Variants in ZNF395 observed in about 807,000 individuals in gnomAD.
ZNF395 encodes zinc finger protein 395.
In ZNF395, 20 loss-of-function variants were observed where a neutral mutation model predicts 57.7. That is an observed-to-expected ratio of 0.35 (90% CI 0.24 to 0.50). The LOEUF is 0.50. ZNF395 is among the 20% of genes least tolerant of loss of function. ZNF395 has a pLI of 0.97. For missense variants in ZNF395, 606 were observed against 671.2 expected (o/e 0.90, Z 1.07); for synonymous variants, 295 against 275.9 (o/e 1.07, Z -0.69).
At chr8:28,349,849 C>T (rs948060662) in intron 8 of ZNF395, among the ~76,000 whole-genome samples, 5 of 152,270 alleles carry the variant, frequency 3.3e-5, no homozygotes, top group Admixed American at 3.3e-4. Context: ...TCTACAAGCG[C>T]CTCCTTCCAC....
intron 1 of ZNF395, among the ~76,000 whole-genome samples, chr8:28,382,999 C>A (rs868406460): frequency 1.1e-4 from 17 of 152,140 alleles, no homozygotes; most frequent in African/African-American, 4.1e-4. Context: ...AATTTCATTT[C>A]TTAATGTAAG....
chr8:28,348,582 T>TA lies in ZNF395; in HGVS notation c.*136dup. The TA allele has an allele frequency of 1.4e-6, 1 of 727,128 alleles. No homozygotes were observed. Among genetic ancestry groups the TA allele is most frequent in the Non-Finnish European group, 2.4e-6 (1 of 413,636 alleles). 45.0% of individuals were successfully genotyped at this position (727,128 alleles called of 1,614,324 possible). On this transcript the variant is annotated 3_prime_UTR_variant, in exon 10 of 10. Transcript: ENST00000344423. ...AATGGGAGAAAATTGCTTTAAGTGT[T>TA]ACACCTTAGCCAACAGAGCCCAAAC... is the stretch of plus-strand genomic sequence containing the variant.
chr8:28,353,121 A>G, intron 5 of ZNF395, 52 bp downstream of exon 5: 1 of 1,579,258 alleles, frequency 6.3e-7, no homozygotes, highest in Non-Finnish European at 8.7e-7. Flanking sequence ...CTGTCCCCAC[A>G]CAGACATCAT....
In ZNF395 at chr8:28,353,387, G is replaced by T. The variant is rs1014419156; in HGVS notation, c.605C>A (p.Pro202Gln). 26 of 1,564,320 alleles carry T rather than the reference G, an allele frequency of 1.7e-5. No individual in the cohort carries two copies. Among genetic ancestry groups the T allele is most frequent in the Non-Finnish European group, 2.0e-5 (23 of 1,153,862 alleles). Residue 202 changes from proline (P) to glutamine (Q), a missense_variant, in exon 5 of 10, where the codon CCA (proline) becomes CAA (glutamine). Transcript: ENST00000344423. The stretch of plus-strand genomic sequence containing the variant: ...CGAGATGTCACCACTCTCCTTCCAT[G>T]GGTCGCAGGCCGCACGGGAAGCTGG... ...NFSASRAACD[P>Q]WKESGDISDS... is the part of the protein sequence containing the mutation.
At chr8:28,378,952 G>A (rs951805170) in intron 1 of ZNF395, among the ~76,000 whole-genome samples, 1 of 152,154 alleles carries the variant, frequency 6.6e-6, no homozygotes, top group Admixed American at 6.5e-5. Context: ...GGTCAAAGGG[G>A]ACCTCAAAGT....
chr8:28,349,978 G>A (rs374087768), intron 8 of ZNF395, 86 bp downstream of exon 8: 69 of 1,280,428 alleles, frequency 5.4e-5, no homozygotes, highest in African/African-American at 6.1e-5. Context: ...CACGTGCCCC[G>A]TGCCCAAGGG....
chr8:28,385,401 C>CA (rs1241515880), intron 1 of ZNF395: 1 of 115,228 alleles, frequency 8.7e-6, no homozygotes, highest in African/African-American at 4.1e-5. Flanking sequence ...TGTGCAGCCC[C>CA]GCCCCCCCCC....
At chr8:28,386,333 C>CCCGCGCCT (rs951211989) in intron 1 of ZNF395, 60 bp downstream of exon 1, 5 of 148,474 alleles carry the variant, frequency 3.4e-5, no homozygotes, top group African/African-American at 1.2e-4. Flanking sequence ...CCGCCCGCCC[C>CCCGCGCCT]CCGCGCCTCC....
chr8:28,384,324 T>C (rs751611087), intron 1 of ZNF395, among the ~76,000 whole-genome samples: 10 of 152,220 alleles, frequency 6.6e-5, no homozygotes, highest in Non-Finnish European at 8.8e-5. Flanking sequence ...TTCCCTGGTA[T>C]GGCTAAGGAC....
chr8:28,362,058 C>T (rs1801856424), intron 1 of ZNF395, among the ~76,000 whole-genome samples: 1 of 150,124 alleles, frequency 6.7e-6, no homozygotes, highest in Non-Finnish European at 1.5e-5. Context: ...CACCACTGCA[C>T]TCCAGCCTGG....
chr8:28,347,775 A>G lies in ZNF395; in HGVS notation c.*944T>C, dbSNP rs1000261658. ...CTCCCGGCCACCCAAATAAAAGAAA[A>G]CTTTAATCAGTAAAGGCTTCTGAAT... On this transcript the variant is annotated 3_prime_UTR_variant, in exon 10 of 10. Coordinates refer to ENST00000344423, the MANE Select transcript of ZNF395 (RefSeq NM_018660.3). The G allele has an allele frequency of 6.6e-6, 1 of 152,142 alleles. No homozygotes were observed. Among genetic ancestry groups the G allele is most frequent in the African/African-American group, 2.4e-5 (1 of 41,400 alleles). 9.4% of individuals were successfully genotyped at this position (152,142 alleles called of 1,614,324 possible). A position where few individuals can be genotyped will look rare whatever the true frequency, so the allele number is the denominator to read the frequency against.
At chr8:28,376,582 C>G (rs1802042855) in intron 1 of ZNF395, among the ~76,000 whole-genome samples, 2 of 152,078 alleles carry the variant, frequency 1.3e-5, no homozygotes, top group South Asian at 4.1e-4. Flanking sequence ...GATCGCACCA[C>G]TGTACTCCAG....
rs1801635467 is a variant in ZNF395 at position 28,348,477 on chromosome 8, C to T, written c.*242G>A. 2 of 470,484 alleles carry T rather than the reference C, an allele frequency of 4.3e-6. No individual in the cohort carries two copies. The highest frequency in any genetic ancestry group is 3.4e-5 in the Admixed American group (1 of 29,678). 29.1% of individuals were successfully genotyped at this position (470,484 alleles called of 1,614,324 possible). ...GGTCACTGGTTCACTGCTGAATAGCCTTGGTCAGTTTTGGCTCTCTCCTAT... is the reference window on the plus strand; with the variant it reads ...GGTCACTGGTTCACTGCTGAATAGCTTTGGTCAGTTTTGGCTCTCTCCTAT... On this transcript the variant is annotated 3_prime_UTR_variant, in exon 10 of 10. Transcript: ENST00000344423.
At chr8:28,376,474 GC>G (rs968737895) in intron 1 of ZNF395, among the ~76,000 whole-genome samples, 1 of 152,064 alleles carries the variant, frequency 6.6e-6, no homozygotes. Flanking sequence ...TCAAAAATTA[GC>G]TGGGCATGGT....
intron 1 of ZNF395, among the ~76,000 whole-genome samples, chr8:28,364,034 AGAAG>A (rs1224447207): frequency 5.3e-5 from 8 of 152,248 alleles, no homozygotes; most frequent in African/African-American, 9.6e-5. Context: ...CAGAAGAGAA[AGAAG>A]GAAGGGAAAC....
At chr8:28,351,941 G>C in intron 6 of ZNF395, 134 bp from the exon 7 acceptor site, 1 of 991,812 alleles carries the variant, frequency 1.0e-6, no homozygotes, top group Middle Eastern at 2.2e-4. Flanking sequence ...AGAACACCCA[G>C]GTGCCTCGCT....
rs1262462983 is a variant in ZNF395, at chr8:28,352,214, A to G, written c.920+359T>C. On this transcript the variant is annotated intron_variant, in intron 6 of 9. Transcript: ENST00000344423. The surrounding 1 kb of genome is among the most constrained non-coding windows in gnomAD (Gnocchi z 4.0). ...ACGGCGGAGGCACCAGGGTGGGGCT[A>G]GCGGAGACCCACTCCCAAGGAAGAG... Among the ~76,000 whole-genome samples the G allele has an allele frequency of 2.6e-5, 4 of 152,318 alleles. No individual in the cohort carries two copies. In the South Asian group the frequency reaches 8.3e-4, roughly 32 times the overall value.
rs926313831 is a variant in ZNF395, at chr8:28,351,350, G to A, written c.1233+145C>T. The A allele has an allele frequency of 2.1e-5, 17 of 824,904 alleles. 2 individuals carry two copies. The highest frequency in any genetic ancestry group is 1.4e-4 in the South Asian group (6 of 42,406). The allele number at this position is 824,904 out of a possible 1,614,324, so 51.1% of individuals were successfully genotyped here. A position where few individuals can be genotyped will look rare whatever the true frequency, so the allele number is the denominator to read the frequency against. On this transcript the variant is annotated intron_variant, in intron 7 of 9. Coordinates refer to ENST00000344423, the MANE Select transcript of ZNF395 (RefSeq NM_018660.3). Reference sequence around the variant, plus strand: ...CCCACATTTATTGAGCAGTGAATTCGGTTTCCTTTTGTTTCCTTGTAGAAG... The same window carrying A: ...CCCACATTTATTGAGCAGTGAATTCAGTTTCCTTTTGTTTCCTTGTAGAAG...
chr8:28,359,146 C>T lies in ZNF395; in HGVS notation c.473+446G>A, dbSNP rs2129956526. ...GCATGGTGGCTCAAACCTGTAATCC[C>T]AGCACGTTGGGAGGCCAAGGCAGGT... On this transcript the variant is annotated intron_variant, in intron 3 of 9. Transcript: ENST00000344423. The surrounding 1 kb of genome is among the most constrained non-coding windows in gnomAD (Gnocchi z 4.7). Among the ~76,000 whole-genome samples the T allele has an allele frequency of 6.6e-6, 1 of 152,334 alleles. No individual in the cohort carries two copies. Among genetic ancestry groups the T allele is most frequent in the South Asian group, 2.1e-4 (1 of 4,826 alleles).
Sources: gnomAD v4.1 joint callset for allele counts (sites outside exome capture counted in the v4.1 genomes callset) on GRCh38, gnomAD v4.1.1 for gene constraint, Gnocchi (gnomAD v3.1) non-coding constraint, MANE v1.5 for transcripts, NCBI Gene and HGNC (gene_info 2026-07-23, HGNC 2026-07-21) for gene names.